The following PLXNA4 variants were observed in gnomAD, a reference collection of about 807,000 sequenced individuals.
PLXNA4 encodes the protein plexin-A4.
Under a neutral mutation model 191.8 loss-of-function variants are expected in PLXNA4, and 44 were observed. The observed-to-expected ratio is 0.23, with a 90% CI of 0.18 to 0.29. PLXNA4 has a LOEUF of 0.29. Among genes scored for constraint, PLXNA4 ranks in the 10% least tolerant of loss-of-function variants. PLXNA4 has a pLI of 1.00. For missense variants in PLXNA4, 1,800 were observed against 2,488.8 expected, an observed-to-expected ratio of 0.72 and a Z score of 5.89; for synonymous variants, 1,082 against 1,009.5, an observed-to-expected ratio of 1.07 and a Z score of -1.36.
intron 4 of PLXNA4, among the ~76,000 whole-genome samples, chr7:132,282,793 A>G (rs774300911): frequency 6.6e-6 from 1 of 152,110 alleles, no homozygotes; most frequent in Non-Finnish European, 1.5e-5. Context: ...GGTCTCTGGT[A>G]TTCTGGAGCA....
chr7:132,148,696 G>A lies in PLXNA4; in HGVS notation c.4661-50C>T, dbSNP rs982455108. ...AGAGAGGCCCTATGACCCCTCTTGT[G>A]GGGAAGCTGAGGACCCTGTGTAGGT... On this transcript the variant is annotated intron_variant, in intron 25 of 31. Coordinates refer to ENST00000321063, the MANE Select transcript of PLXNA4 (RefSeq NM_020911.2). The A allele has an allele frequency of 1.9e-6, 3 of 1,612,062 alleles. No individual in the cohort carries two copies. In the African/African-American group the frequency reaches 4.0e-5, roughly 21 times the overall value.
At chr7:132,155,386 G>C (rs1270453153) in intron 25 of PLXNA4, among the ~76,000 whole-genome samples, 1 of 151,952 alleles carries the variant, frequency 6.6e-6, no homozygotes, top group Admixed American at 6.5e-5. Flanking sequence ...GAAGGGAGGA[G>C]GAAAAAAAGC....
intron 3 of PLXNA4, among the ~76,000 whole-genome samples, chr7:132,423,176 C>A (rs1055200350): frequency 2.0e-5 from 3 of 152,232 alleles, no homozygotes; most frequent in Admixed American, 6.5e-5. Flanking sequence ...ATCTGCCCTG[C>A]GGAGGCTCTG....
chr7:132,401,739 G>A (rs1180559288), intron 3 of PLXNA4, among the ~76,000 whole-genome samples: 1 of 152,200 alleles, frequency 6.6e-6, no homozygotes, highest in Admixed American at 6.5e-5. Flanking sequence ...GGGGACAGCT[G>A]AGGAGTGAAG....
At chr7:132,217,205 C>T (rs767888404) in intron 9 of PLXNA4, among the ~76,000 whole-genome samples, 2 of 152,224 alleles carry the variant, frequency 1.3e-5, no homozygotes, top group Admixed American at 1.3e-4. Flanking sequence ...GGCAGGAACA[C>T]GAAGCCAAAG....
At chr7:132,364,330 C>T (rs774541328) in intron 3 of PLXNA4, among the ~76,000 whole-genome samples, 6 of 152,192 alleles carry the variant, frequency 3.9e-5, no homozygotes, top group Non-Finnish European at 8.8e-5. Flanking sequence ...AAGAAAGAAA[C>T]GCATTGCCTT....
chr7:132,176,223 C>G (rs534015133), intron 20 of PLXNA4, among the ~76,000 whole-genome samples: 4 of 152,350 alleles, frequency 2.6e-5, no homozygotes, highest in African/African-American at 9.6e-5. Flanking sequence ...TCTGCAGCCT[C>G]TCCTGCTGCT....
chr7:132,426,017 C>T (rs1795030087), intron 3 of PLXNA4, among the ~76,000 whole-genome samples: 1 of 152,326 alleles, frequency 6.6e-6, no homozygotes, highest in Non-Finnish European at 1.5e-5. Flanking sequence ...TCTGGGGTGC[C>T]TCATTTAGGA....
chr7:132,623,103 G>C (rs978130429), intron 2 of PLXNA4, among the ~76,000 whole-genome samples: 3 of 152,174 alleles, frequency 2.0e-5, no homozygotes, highest in African/African-American at 7.2e-5. Flanking sequence ...CCAGCACTTT[G>C]GGTGGCTGAG....
At chr7:132,385,060 G>A (rs1372264087) in intron 3 of PLXNA4, 9 of 1,499,706 alleles carry the variant, frequency 6.0e-6, no homozygotes, top group East Asian at 5.0e-5. Flanking sequence ...AGGACTTGGG[G>A]TGGCAGGACA....
At chr7:132,555,057 C>CAAAAAAAAAAAAAAAAAAA (rs1329396023) in intron 1 of PLXNA4, among the ~76,000 whole-genome samples, 1 of 131,960 alleles carries the variant, frequency 7.6e-6, no homozygotes. Context: ...AAAAAAAAAA[C>CAAAAAAAAAAAAAAAAAAA]AAAAAAAAAA....
intron 8 of PLXNA4, among the ~76,000 whole-genome samples, chr7:132,225,513 G>A (rs1205479548): frequency 2.6e-5 from 4 of 152,206 alleles, no homozygotes; most frequent in Non-Finnish European, 4.4e-5. Flanking sequence ...TCCGGCTACA[G>A]AGCCAGAGCC....
chr7:132,340,423 G>A (rs1585011730), intron 3 of PLXNA4, among the ~76,000 whole-genome samples: 1 of 152,360 alleles, frequency 6.6e-6, no homozygotes, highest in East Asian at 1.9e-4. Flanking sequence ...GCACCTGGAT[G>A]TAAATGACCT....
intron 1 of PLXNA4, among the ~76,000 whole-genome samples, chr7:132,519,036 A>G (rs1475557690): frequency 6.6e-6 from 1 of 152,194 alleles, no homozygotes; most frequent in Non-Finnish European, 1.5e-5. Context: ...GTGCCTTGGG[A>G]CAGTCACTAG....
chr7:132,365,805 C>G lies in PLXNA4; in HGVS notation c.1372-67583G>C, dbSNP rs542951990. ...TTGAGAACGTTAAAAAGTGAGCTAG[C>G]AAAGCACATTGTGAAGAGGAAATCT... On this transcript the variant is annotated intron_variant, in intron 3 of 31. Coordinates refer to ENST00000321063, the MANE Select transcript of PLXNA4 (RefSeq NM_020911.2). 6 of 152,264 alleles carry G rather than the reference C, an allele frequency of 3.9e-5. 1 individual carries two copies. In the South Asian group the frequency reaches 1.2e-3, roughly 32 times the overall value. The allele number at this position is 152,264 out of a possible 1,614,324, so 9.4% of individuals were successfully genotyped here. A position where few individuals can be genotyped will look rare whatever the true frequency, so the allele number is the denominator to read the frequency against.
chr7:132,576,654 T>G (rs536808718), upstream of PLXNA4: 625 of 960,626 alleles, frequency 6.5e-4, 7 homozygotes, highest in African/African-American at 0.01. This position sits in a 1 kb window ranked among gnomAD's most constrained non-coding sequence, Gnocchi z 5.8. Context: ...CAGCTTCTCT[T>G]GCGGCGTCCA....
chr7:132,443,508 A>T (rs1795776853), intron 3 of PLXNA4, among the ~76,000 whole-genome samples: 2 of 152,076 alleles, frequency 1.3e-5, no homozygotes, highest in South Asian at 4.1e-4. Context: ...CTCCTCCCAG[A>T]TGTTTCTAGA....
intron 1 of PLXNA4, among the ~76,000 whole-genome samples, chr7:132,523,053 T>A (rs889714320): frequency 6.6e-6 from 1 of 152,112 alleles, no homozygotes; most frequent in South Asian, 2.1e-4. Flanking sequence ...AGATGGCCCA[T>A]GTCTTCATGC....
At chr7:132,601,751 G>GGA (rs1484645451) in intron 2 of PLXNA4, among the ~76,000 whole-genome samples, 1 of 152,168 alleles carries the variant, frequency 6.6e-6, no homozygotes, top group Non-Finnish European at 1.5e-5. Flanking sequence ...GTGGCAAGAG[G>GGA]GAGGTTTCTG....
Sources: allele counts gnomAD v4.1 joint callset (sites outside exome capture counted in the v4.1 genomes callset), GRCh38; gene constraint gnomAD v4.1.1; non-coding constraint Gnocchi (gnomAD v3.1); transcripts MANE v1.5; gene names NCBI Gene and HGNC (gene_info 2026-07-23, HGNC 2026-07-21).